LRRC2: variants seen among roughly 807,000 people sequenced by gnomAD.
The protein encoded by LRRC2 is leucine rich repeat containing 2.
A neutral mutation model predicts 40.2 loss-of-function variants in LRRC2; 27 were observed. The observed-to-expected ratio is 0.67, with a 90% CI of 0.49 to 0.93. The LOEUF (loss-of-function observed/expected upper bound fraction) is 0.93. Ranked by LOEUF, LRRC2 falls within the 40% of genes least tolerant of loss-of-function variation. The pLI is 0.00. For missense variants in LRRC2, 402 were observed against 439.6 expected, an observed-to-expected ratio of 0.91 and a Z score of 0.76; for synonymous variants, 147 against 158.9, an observed-to-expected ratio of 0.92 and a Z score of 0.56.
intron 3 of LRRC2, among the ~76,000 whole-genome samples, chr3:46,544,112 A>C (rs2107022837): frequency 9.0e-6 from 1 of 111,632 alleles, no homozygotes; most frequent in Admixed American, 9.0e-5. Context: ...AGGTCACGCA[A>C]AATATTTAGT....
At chr3:46,557,892 T>C (rs1704845622) in intron 1 of LRRC2, 1 of 152,242 alleles carries the variant, frequency 6.6e-6, no homozygotes. Flanking sequence ...ACACAGGCAC[T>C]TGCAGAAGGC....
intron 1 of LRRC2, among the ~76,000 whole-genome samples, chr3:46,562,761 C>T (rs1370651559): frequency 1.3e-5 from 2 of 148,758 alleles, no homozygotes; most frequent in African/African-American, 4.9e-5. Flanking sequence ...TGAAGTCTCA[C>T]TCTGTCACCC....
intron 1 of LRRC2, among the ~76,000 whole-genome samples, chr3:46,562,731 CTTT>C (rs34694804): frequency 2.1e-5 from 3 of 141,902 alleles, no homozygotes; most frequent in Non-Finnish European, 1.5e-5. Context: ...GAAGTTACTT[CTTT>C]TTTTTTTTTT....
chr3:46,553,819 C>T (rs1704720959), intron 1 of LRRC2, among the ~76,000 whole-genome samples: 1 of 152,176 alleles, frequency 6.6e-6, no homozygotes, highest in Non-Finnish European at 1.5e-5. Flanking sequence ...CAAGAATGTG[C>T]TCCCTATAAA....
At chr3:46,523,037 T>TTA (rs1054261096) in intron 7 of LRRC2, among the ~76,000 whole-genome samples, 8 of 151,860 alleles carry the variant, frequency 5.3e-5, no homozygotes, top group Non-Finnish European at 8.8e-5. Flanking sequence ...TGTTGTTTTA[T>TTA]TATATATATA....
chr3:46,554,676 T>C (rs2107046683), intron 1 of LRRC2, among the ~76,000 whole-genome samples: 1 of 152,148 alleles, frequency 6.6e-6, no homozygotes, highest in East Asian at 1.9e-4. Flanking sequence ...AGAATTGTTT[T>C]ACCTAAAGGA....
chr3:46,523,435 A>G (rs1004095720), intron 7 of LRRC2, among the ~76,000 whole-genome samples: 3 of 152,154 alleles, frequency 2.0e-5, no homozygotes, highest in Admixed American at 6.5e-5. Context: ...CTGTCATTCA[A>G]TCAAGTGGTG....
Position 46,518,911 on chromosome 3 carries a change from C to T in LRRC2, c.*103G>A. ...AGCAACTATGATAGTGGTTTCTAGA[C>T]TTTGTCCTTAAGCACAAGCCATTCT... On this transcript the variant is annotated 3_prime_UTR_variant, in exon 9 of 9. Transcript: ENST00000395905. 2.4e-6 allele frequency: 2 copies of T among 850,234 alleles called. No homozygotes were observed. The allele number at this position is 850,234 out of a possible 1,614,324, so 52.7% of individuals were successfully genotyped here. A position where few individuals can be genotyped will look rare whatever the true frequency, so the allele number is the denominator to read the frequency against.
intron 2 of LRRC2, among the ~76,000 whole-genome samples, chr3:46,548,769 A>G (rs150757514): frequency 6.6e-6 from 1 of 152,128 alleles, no homozygotes; most frequent in African/African-American, 2.4e-5. Flanking sequence ...ATGGAAGACA[A>G]TTTTTCCATG....
intron 7 of LRRC2, among the ~76,000 whole-genome samples, chr3:46,523,545 T>G: frequency 6.6e-6 from 1 of 152,200 alleles, no homozygotes; most frequent in South Asian, 2.1e-4. Flanking sequence ...TTCTTAAATA[T>G]TCACAAAAGT....
At position 46,560,773 on chromosome 3, in the gene LRRC2, T is replaced by C. The variant is rs895014576; in HGVS notation, c.-20+5404A>G. Among the ~76,000 whole-genome samples the C allele has an allele frequency of 5.3e-5, 8 of 152,198 alleles. No homozygotes were observed. The East Asian group carries it at 1.3e-3, about 26-fold the overall frequency. On this transcript the variant is annotated intron_variant, in intron 1 of 8. Transcript: ENST00000395905. ...CTACACTGTCCACAGTCACAGAGCA[T>C]CTTCCAGAGAAGAAAACACCTGCAA...
chr3:46,555,824 T>C (rs1397112888), intron 1 of LRRC2, among the ~76,000 whole-genome samples: 1 of 152,248 alleles, frequency 6.6e-6, no homozygotes, highest in Admixed American at 6.5e-5. Context: ...TTTACATCTG[T>C]TATCATTTCC....
chr3:46,545,166 G>T lies in LRRC2; in HGVS notation c.213C>A (p.Thr71=). The T allele has an allele frequency of 6.2e-7, 1 of 1,614,194 alleles. No homozygotes were observed. The highest frequency in any genetic ancestry group is 1.1e-5 in the South Asian group (1 of 91,082). Reference sequence around the variant, plus strand: ...CAATCTTGTCCAGAAGCCGCACGCTGGTGTCTATGAAGCCATTCTTGCAGT... The same window carrying T: ...CAATCTTGTCCAGAAGCCGCACGCTTGTGTCTATGAAGCCATTCTTGCAGT... ...AVYCKNGFID[T]SVRLLDKIER... is the part of the protein sequence containing the mutation. The change falls in exon 3 of 9, where the codon ACC becomes ACA. Residue 71 remains threonine, a synonymous_variant. Coordinates refer to ENST00000395905, the MANE Select transcript of LRRC2 (RefSeq NM_024512.5).
chr3:46,548,811 A>C (rs1373906668), intron 2 of LRRC2, among the ~76,000 whole-genome samples: 1 of 152,186 alleles, frequency 6.6e-6, no homozygotes, highest in Non-Finnish European at 1.5e-5. Context: ...TTTCGGGATA[A>C]AACTGTTCCA....
At chr3:46,547,492 A>G (rs1039847986) in intron 2 of LRRC2, among the ~76,000 whole-genome samples, 7 of 150,430 alleles carry the variant, frequency 4.7e-5, no homozygotes, top group African/African-American at 1.5e-4. Context: ...TACAAAAAAT[A>G]CAAGAAAAAA....
chr3:46,539,275 A>C (rs1704334985), intron 3 of LRRC2, 74 bp from the exon 4 acceptor site: 3 of 1,415,426 alleles, frequency 2.1e-6, no homozygotes, highest in Non-Finnish European at 2.9e-6. Flanking sequence ...CCAAGCATTT[A>C]TTTTAAAACA....
intron 3 of LRRC2, 126 bp from the exon 4 acceptor site, chr3:46,539,327 C>CA (rs1704336356): frequency 1.2e-6 from 1 of 831,872 alleles, no homozygotes; most frequent in Non-Finnish European, 1.9e-6. Flanking sequence ...ACTTAACCAC[C>CA]AGCACTCCAG....
chr3:46,549,932 T>C (rs1704607347), intron 2 of LRRC2, among the ~76,000 whole-genome samples: 1 of 152,256 alleles, frequency 6.6e-6, no homozygotes, highest in South Asian at 2.1e-4. Flanking sequence ...ATGATTTATG[T>C]GAGTGTAGGT....
At chr3:46,544,795 G>A (rs75797900) in intron 3 of LRRC2, among the ~76,000 whole-genome samples, 4,597 of 152,262 alleles carry the variant, frequency 0.03, 219 homozygotes, top group African/African-American at 0.1. Context: ...GGTCTAGGGC[G>A]GGGAACAGGA....
Sources: gnomAD v4.1 joint callset for allele counts (sites outside exome capture counted in the v4.1 genomes callset) on GRCh38, gnomAD v4.1.1 for gene constraint, MANE v1.5 for transcripts, NCBI Gene and HGNC (gene_info 2026-07-23, HGNC 2026-07-21) for gene names.